Variants in FAM13A observed in about 807,000 individuals in gnomAD.
The protein encoded by FAM13A is protein FAM13A.
In FAM13A, 76 loss-of-function variants were observed where a neutral mutation model predicts 129.6. The observed-to-expected ratio is 0.59, with a 90% CI of 0.49 to 0.71. The LOEUF is 0.71. FAM13A is among the 30% of genes least tolerant of loss of function. FAM13A has a pLI of 0.00. For missense variants in FAM13A, 1,108 were observed against 1,249.3 expected (o/e 0.89, Z 1.70); for synonymous variants, 443 against 449.9 (o/e 0.98, Z 0.20).
chr4:88,919,868 C>G (rs764352120), intron 5 of FAM13A, among the ~76,000 whole-genome samples: 387 of 152,374 alleles, frequency 2.5e-3, no homozygotes, highest in Non-Finnish European at 3.3e-3. Flanking sequence ...TTCCGACGGG[C>G]TTAAAAAATG....
intron 7 of FAM13A, among the ~76,000 whole-genome samples, chr4:88,817,698 A>C (rs1731048581): frequency 6.6e-6 from 1 of 152,226 alleles, no homozygotes; most frequent in Non-Finnish European, 1.5e-5. Context: ...CATAGGAAAA[A>C]ATAGGGTGAA....
At chr4:89,002,048 TA>T (rs34688113) in intron 3 of FAM13A, among the ~76,000 whole-genome samples, 24 of 140,512 alleles carry the variant, frequency 1.7e-4, no homozygotes, top group East Asian at 4.1e-4. Context: ...GTTGTGGGGG[TA>T]AAAAAAAAAG....
At chr4:88,871,061 G>A (rs1385276586) in intron 6 of FAM13A, among the ~76,000 whole-genome samples, 1 of 152,202 alleles carries the variant, frequency 6.6e-6, no homozygotes, top group Non-Finnish European at 1.5e-5. Flanking sequence ...GGACCTGACT[G>A]TTAGAAGGAA....
chr4:88,942,451 C>T (rs1754931025), intron 4 of FAM13A, among the ~76,000 whole-genome samples: 1 of 152,074 alleles, frequency 6.6e-6, no homozygotes, highest in African/African-American at 2.4e-5. Flanking sequence ...CCTGTCATCC[C>T]AGCTACTTGG....
At chr4:89,027,050 C>T (rs1452575943) in intron 2 of FAM13A, among the ~76,000 whole-genome samples, 1 of 152,186 alleles carries the variant, frequency 6.6e-6, no homozygotes, top group Admixed American at 6.5e-5. Flanking sequence ...AGTAGACCCA[C>T]CTTACCGGCA....
intron 10 of FAM13A, among the ~76,000 whole-genome samples, chr4:88,784,387 T>C (rs1723572720): frequency 6.6e-6 from 1 of 152,228 alleles, no homozygotes; most frequent in Non-Finnish European, 1.5e-5. Flanking sequence ...TCTTTAAATC[T>C]AATCTTAGAT....
chr4:88,915,665 C>G (rs1485707845), intron 5 of FAM13A, among the ~76,000 whole-genome samples: 1 of 152,050 alleles, frequency 6.6e-6, no homozygotes, highest in African/African-American at 2.4e-5. Context: ...TTAAATCAAA[C>G]TTCATTGTCA....
chr4:88,951,466 T>G (rs541841517), intron 4 of FAM13A, among the ~76,000 whole-genome samples: 10 of 152,198 alleles, frequency 6.6e-5, no homozygotes, highest in Non-Finnish European at 1.5e-4. Flanking sequence ...AAATTAATGG[T>G]TAAAAGAGAA....
chr4:88,742,966 C>T (rs1379846574), intron 19 of FAM13A, among the ~76,000 whole-genome samples: 1 of 152,184 alleles, frequency 6.6e-6, no homozygotes, highest in South Asian at 2.1e-4. Context: ...ACTTTCACTC[C>T]TCTAGCTTCA....
At chr4:88,992,153 C>T (rs1341505985) in intron 3 of FAM13A, among the ~76,000 whole-genome samples, 2 of 152,222 alleles carry the variant, frequency 1.3e-5, no homozygotes, top group Non-Finnish European at 2.9e-5. Flanking sequence ...AGCCCAATCT[C>T]TCTGCCAAGC....
chr4:88,992,071 C>T lies in FAM13A; in HGVS notation c.428-921G>A, dbSNP rs143578782. Among the ~76,000 whole-genome samples the T allele has an allele frequency of 3.3e-3, 507 of 152,238 alleles. 1 individual carries two copies. Among genetic ancestry groups the T allele is most frequent in the Non-Finnish European group, 4.8e-3 (326 of 68,010 alleles). On this transcript the variant is annotated intron_variant, in intron 3 of 23. Transcript: ENST00000264344. Reference sequence around the variant, plus strand: ...AGGTTTCCTGTTAGTAATTTTCCACCCACTGACTGCTGCCTATCCCAACTC... The same window carrying T: ...AGGTTTCCTGTTAGTAATTTTCCACTCACTGACTGCTGCCTATCCCAACTC...
chr4:88,870,245 C>T (rs1741125986), intron 6 of FAM13A, among the ~76,000 whole-genome samples: 1 of 152,164 alleles, frequency 6.6e-6, no homozygotes, highest in Non-Finnish European at 1.5e-5. Flanking sequence ...TTCTGCATTT[C>T]CAACTGAGGT....
intron 4 of FAM13A, among the ~76,000 whole-genome samples, chr4:88,971,294 T>TTAG (rs1475785776): frequency 6.6e-6 from 1 of 152,248 alleles, no homozygotes; most frequent in Non-Finnish European, 1.5e-5. Flanking sequence ...GTATTAGGGC[T>TTAG]TAGTAACTGT....
chr4:88,947,595 T>G (rs1246401771), intron 4 of FAM13A, among the ~76,000 whole-genome samples: 1 of 152,172 alleles, frequency 6.6e-6, no homozygotes, highest in Non-Finnish European at 1.5e-5. Flanking sequence ...CCTATATTTT[T>G]GGCTACCTGT....
At chr4:88,752,162 T>A (rs953951635) in intron 14 of FAM13A, among the ~76,000 whole-genome samples, 13 of 152,148 alleles carry the variant, frequency 8.5e-5, no homozygotes, top group African/African-American at 3.1e-4. Context: ...AGGGTCCAGA[T>A]ATGTGCGCCT....
chr4:88,904,490 G>A (rs1314384377), intron 6 of FAM13A, among the ~76,000 whole-genome samples: 5 of 152,098 alleles, frequency 3.3e-5, no homozygotes, highest in Admixed American at 6.6e-5. Context: ...GCTGGAAACC[G>A]TTATTCTCAG....
At chr4:88,846,718 C>T (rs906807245) in intron 7 of FAM13A, among the ~76,000 whole-genome samples, 1 of 152,196 alleles carries the variant, frequency 6.6e-6, no homozygotes, top group African/African-American at 2.4e-5. Flanking sequence ...CCTATTTCTA[C>T]AATTCAGTGA....
intron 6 of FAM13A, among the ~76,000 whole-genome samples, chr4:88,853,440 G>A (rs983411110): frequency 2.0e-5 from 3 of 151,874 alleles, no homozygotes; most frequent in Admixed American, 6.6e-5. Context: ...AAAAATATAC[G>A]CTGTTATATA....
chr4:89,046,062 G>T (rs895349270), intron 1 of FAM13A, among the ~76,000 whole-genome samples: 2 of 150,320 alleles, frequency 1.3e-5, no homozygotes, highest in African/African-American at 4.9e-5. Context: ...AAAATTATGA[G>T]CCATATTTAA....
Sources: allele counts gnomAD v4.1 joint callset (sites outside exome capture counted in the v4.1 genomes callset), GRCh38; gene constraint gnomAD v4.1.1; transcripts MANE v1.5; gene names NCBI Gene and HGNC (gene_info 2026-07-23, HGNC 2026-07-21).